The following CFAP20DC variants were observed in gnomAD, a reference collection of about 807,000 sequenced individuals.
CFAP20DC encodes the protein protein CFAP20DC.
CFAP20DC carries 84 observed loss-of-function variants against 101.7 expected under a neutral mutation model. The ratio of observed to expected loss-of-function variants is 0.83; its 90% CI spans 0.69 to 0.99. The LOEUF (loss-of-function observed/expected upper bound fraction) is 0.99. Among genes scored for constraint, CFAP20DC ranks in the 50% least tolerant of loss-of-function variants. The pLI is 0.00. For missense variants in CFAP20DC, 1,007 were observed against 970.3 expected (o/e 1.04, Z -0.50); for synonymous variants, 359 against 351.2 (o/e 1.02, Z -0.25).
At chr3:58,804,121 T>C (rs1465765355) in intron 15 of CFAP20DC, among the ~76,000 whole-genome samples, 1 of 152,178 alleles carries the variant, frequency 6.6e-6, no homozygotes, top group East Asian at 1.9e-4. Flanking sequence ...CTTGTAAAAG[T>C]CACAGAATCA....
In CFAP20DC at chr3:58,892,782, G is replaced by A. The variant is rs1458146670; in HGVS notation, c.551-8073C>T. Among the ~76,000 whole-genome samples, 6 of 152,142 alleles carry A rather than the reference G, an allele frequency of 3.9e-5. No homozygotes were observed. The highest frequency in any genetic ancestry group is 8.8e-5 in the Non-Finnish European group (6 of 68,012). On this transcript the variant is annotated intron_variant, in intron 6 of 16. Transcript: ENST00000482387. This position sits in a 1 kb window ranked among gnomAD's most constrained non-coding sequence, Gnocchi z 4.0. ...ATAGGATCATGTCATCTGCAAAAAG[G>A]TAATTTGACTTCCTCTCTTCCTATT... is the stretch of plus-strand genomic sequence containing the variant.
Position 58,861,652 on chromosome 3 carries a change from A to G in CFAP20DC, c.1593+1906T>C. 3 of 985,402 alleles carry G rather than the reference A, an allele frequency of 3.0e-6. No individual in the cohort carries two copies. The highest frequency in any genetic ancestry group is 3.6e-6 in the Non-Finnish European group (3 of 829,928). 61.0% of individuals were successfully genotyped at this position (985,402 alleles called of 1,614,324 possible). On this transcript the variant is annotated intron_variant, in intron 12 of 16. Coordinates refer to ENST00000482387, the MANE Select transcript of CFAP20DC (RefSeq NM_001394063.1). This position sits in a 1 kb window ranked among gnomAD's most constrained non-coding sequence, Gnocchi z 4.0. ...TTTGTATCTTAGCTTGTATCTCGTT[A>G]GTCTCTGTACCAGCAAACCCCAAAG...
At chr3:58,941,683 C>T (rs779901498) in intron 4 of CFAP20DC, among the ~76,000 whole-genome samples, 4 of 151,976 alleles carry the variant, frequency 2.6e-5, no homozygotes, top group Non-Finnish European at 5.9e-5. Flanking sequence ...ATTCTCCTGC[C>T]TCAGCCTCCC....
At position 59,049,749 on chromosome 3, in the gene CFAP20DC, G is replaced by A. The variant is rs1576841170; in HGVS notation, c.-118C>T. 24 of 1,273,844 alleles carry A rather than the reference G, an allele frequency of 1.9e-5. No homozygotes were observed. The East Asian group carries it at 5.8e-4, about 31-fold the overall frequency. 78.9% of individuals were successfully genotyped at this position (1,273,844 alleles called of 1,614,324 possible). Reference sequence around the variant, plus strand: ...CCAGGAGCCCGACGGGTGGGAAAGGGCTTCGTGCTTGGCCCAGACTTGGGC... The same window carrying A: ...CCAGGAGCCCGACGGGTGGGAAAGGACTTCGTGCTTGGCCCAGACTTGGGC... On this transcript the variant is annotated 5_prime_UTR_variant, in exon 1 of 17. Transcript: ENST00000482387.
rs185783727 is a variant in CFAP20DC, at chr3:58,985,868, T to C, written c.279-48106A>G. ...ATGAACTCACTAAGGAAGGGAATTA[T>C]TTCTTATTCATCTTTGTATCGCCAG... On this transcript the variant is annotated intron_variant, in intron 4 of 16. Coordinates refer to ENST00000482387, the MANE Select transcript of CFAP20DC (RefSeq NM_001394063.1). 5.3e-5 allele frequency among the ~76,000 whole-genome samples: 8 copies of C among 152,364 alleles called. No homozygotes were observed. The East Asian group carries it at 7.7e-4, about 15-fold the overall frequency.
intron 5 of CFAP20DC, among the ~76,000 whole-genome samples, chr3:58,926,451 C>G (rs1460209638): frequency 6.6e-6 from 1 of 152,030 alleles, no homozygotes; most frequent in African/African-American, 2.4e-5. Context: ...AACTCTCAAT[C>G]AAGTACCATC....
chr3:58,902,817 C>T (rs2083262136), intron 6 of CFAP20DC, among the ~76,000 whole-genome samples: 1 of 152,134 alleles, frequency 6.6e-6, no homozygotes. Flanking sequence ...ATATTACCTA[C>T]AATACCTAAT....
chr3:58,884,410 G>T, intron 7 of CFAP20DC, 135 bp downstream of exon 7: 1 of 714,338 alleles, frequency 1.4e-6, no homozygotes, highest in Admixed American at 2.9e-5. Context: ...CCCTGGCGTG[G>T]TATGTGGCAA....
intron 6 of CFAP20DC, among the ~76,000 whole-genome samples, chr3:58,889,000 TA>T (rs142945042): frequency 1.3e-5 from 2 of 150,876 alleles, no homozygotes; most frequent in Non-Finnish European, 2.9e-5. Context: ...TTTTTTTTTT[TA>T]CTTTTTTTTT....
At position 58,884,576 on chromosome 3, in the gene CFAP20DC, G is replaced by A. The variant is rs143276468; in HGVS notation, c.684C>T (p.Phe228=). Residue 228 remains phenylalanine (F), a synonymous_variant, in exon 7 of 17, where the codon TTC becomes TTT. Coordinates refer to ENST00000482387, the MANE Select transcript of CFAP20DC (RefSeq NM_001394063.1). ...MTKLRQTEIK[F]GGHPLRSAES... is the part of the protein sequence containing the mutation. ...CTGCTGATCTTAGAGGATGGCCTCC[G>A]AATTTTATTTCAGTTTGGCGAAGTT... 8.6e-5 allele frequency: 139 copies of A among 1,613,848 alleles called. No homozygotes were observed. Among genetic ancestry groups the A allele is most frequent in the Middle Eastern group, 1.6e-4 (1 of 6,082 alleles).
At chr3:58,851,993 A>G (rs1244035029) in intron 12 of CFAP20DC, among the ~76,000 whole-genome samples, 2 of 152,156 alleles carry the variant, frequency 1.3e-5, no homozygotes, top group Non-Finnish European at 2.9e-5. Context: ...TAATAAGCAG[A>G]TGTTCTTGTT....
chr3:58,843,171 T>C (rs990876938), intron 13 of CFAP20DC, among the ~76,000 whole-genome samples: 2 of 152,154 alleles, frequency 1.3e-5, no homozygotes, highest in Non-Finnish European at 2.9e-5. Flanking sequence ...GAGAATGACT[T>C]TGATGAGCTG....
At chr3:58,960,701 T>C (rs1576494082) in intron 4 of CFAP20DC, among the ~76,000 whole-genome samples, 1 of 152,178 alleles carries the variant, frequency 6.6e-6, no homozygotes. Flanking sequence ...GGATTTCCTA[T>C]GGACACATGT....
intron 12 of CFAP20DC, among the ~76,000 whole-genome samples, chr3:58,854,031 G>C (rs1032910545): frequency 2.6e-5 from 4 of 152,100 alleles, no homozygotes; most frequent in African/African-American, 9.7e-5. Context: ...ATCAGGAAAA[G>C]AGGAAGTCAA....
At chr3:58,877,452 T>C (rs1242283836) in intron 7 of CFAP20DC, among the ~76,000 whole-genome samples, 1 of 152,240 alleles carries the variant, frequency 6.6e-6, no homozygotes, top group African/African-American at 2.4e-5. Flanking sequence ...AATGTTCAAC[T>C]TGAGACTTAA....
At chr3:58,767,892 C>G (rs914820985) in intron 15 of CFAP20DC, among the ~76,000 whole-genome samples, 6 of 152,234 alleles carry the variant, frequency 3.9e-5, no homozygotes, top group Admixed American at 3.9e-4. Flanking sequence ...CTACTGCTTT[C>G]AAATATCACA....
At chr3:58,901,873 A>G (rs1033655427) in intron 6 of CFAP20DC, among the ~76,000 whole-genome samples, 3 of 152,204 alleles carry the variant, frequency 2.0e-5, no homozygotes, top group Non-Finnish European at 4.4e-5. Context: ...AGACATTTCT[A>G]TCACTCCAAA....
intron 3 of CFAP20DC, among the ~76,000 whole-genome samples, chr3:58,731,502 T>G (rs17059758): frequency 6.6e-6 from 1 of 152,108 alleles, no homozygotes; most frequent in African/African-American, 2.4e-5. Context: ...TAGGTTACTA[T>G]AAAAACACCA....
chr3:58,863,377 A>C lies in CFAP20DC; in HGVS notation c.1593+181T>G. 7.2e-7 allele frequency: 1 copy of C among 1,393,554 alleles called. No individual in the cohort carries two copies. Among genetic ancestry groups the C allele is most frequent in the Non-Finnish European group, 9.3e-7 (1 of 1,078,832 alleles). The allele number at this position is 1,393,554 out of a possible 1,614,324, so 86.3% of individuals were successfully genotyped here. ...AATTGGCTGACTGTTAATTAAAAAA[A>C]AAAAAAGACAGTTTAAAGTTACCAT... On this transcript the variant is annotated intron_variant, in intron 12 of 16. Coordinates refer to ENST00000482387, the MANE Select transcript of CFAP20DC (RefSeq NM_001394063.1). The surrounding 1 kb of genome is among the most constrained non-coding windows in gnomAD (Gnocchi z 5.9).
Sources: allele counts gnomAD v4.1 joint callset (sites outside exome capture counted in the v4.1 genomes callset), GRCh38; gene constraint gnomAD v4.1.1; non-coding constraint Gnocchi (gnomAD v3.1); transcripts MANE v1.5; gene names NCBI Gene and HGNC (gene_info 2026-07-23, HGNC 2026-07-21).